GOLGA4: variants seen among roughly 807,000 people sequenced by gnomAD.
GOLGA4 encodes golgin A4.
Under a neutral mutation model 265.9 loss-of-function variants are expected in GOLGA4, and 169 were observed. The ratio of observed to expected loss-of-function variants is 0.64; its 90% CI spans 0.56 to 0.72. The LOEUF (loss-of-function observed/expected upper bound fraction) is 0.72, where lower values mean the gene tolerates loss of function less well. Ranked by LOEUF, GOLGA4 falls within the 30% of genes least tolerant of loss-of-function variation. The pLI is 0.00. For synonymous variants in GOLGA4, 923 were observed against 855.8 expected, an observed-to-expected ratio of 1.08 and a Z score of -1.37; for missense variants, 2,482 against 2,483.4, an observed-to-expected ratio of 1.00 and a Z score of 0.01.
In GOLGA4 at chr3:37,303,577, A is replaced by G. The variant is rs1272475344; in HGVS notation, c.1234+1245A>G. 2.6e-5 allele frequency among the ~76,000 whole-genome samples: 4 copies of G among 152,376 alleles called. No individual in the cohort carries two copies. The East Asian group carries it at 7.7e-4, about 29-fold the overall frequency. ...TAGATACACTGAATTTGACCCAGTCATGAGCTTTTCAAATGGAATTGAGTT... is the reference window on the plus strand; with the variant it reads ...TAGATACACTGAATTTGACCCAGTCGTGAGCTTTTCAAATGGAATTGAGTT... On this transcript the variant is annotated intron_variant, in intron 10 of 23. Transcript: ENST00000361924.
Position 37,315,528 on chromosome 3 carries a change from G to A in GOLGA4, c.1343G>A (p.Ser448Asn), listed in dbSNP as rs1055604212. The A allele has an allele frequency of 1.2e-6, 2 of 1,614,002 alleles. No homozygotes were observed. Among genetic ancestry groups the A allele is most frequent in the Admixed American group, 3.3e-5 (2 of 60,022 alleles). The change falls in exon 11 of 24, where the codon AGT becomes AAT. Residue 448 changes from serine to asparagine, a missense_variant. This residue lies in a region of GOLGA4 where 1,536 missense variants were observed against 1,483.7 expected (regional missense o/e 1.04). Coordinates refer to ENST00000361924, the MANE Select transcript of GOLGA4 (RefSeq NM_002078.5). ...DEQIKTIEKT[S>N]EEERISLQQE... Reference sequence around the variant, plus strand: ...CAAATAAAAACTATCGAAAAAACAAGTGAGGAGGAACGCATCAGTCTTCAA... The same window carrying A: ...CAAATAAAAACTATCGAAAAAACAAATGAGGAGGAACGCATCAGTCTTCAA...
At chr3:37,365,783 G>A (rs912831281) in intron 23 of GOLGA4, among the ~76,000 whole-genome samples, 2 of 148,148 alleles carry the variant, frequency 1.3e-5, no homozygotes, top group African/African-American at 5.0e-5. Flanking sequence ...AAGATTTAGT[G>A]TTTAGACAAT....
intron 10 of GOLGA4, among the ~76,000 whole-genome samples, chr3:37,303,034 T>C (rs961383203): frequency 7.2e-5 from 11 of 152,192 alleles, no homozygotes; most frequent in Admixed American, 2.0e-4. Context: ...AAGAGAGGTG[T>C]GGGCAGCACA....
At chr3:37,343,590 T>C (rs986592220) in intron 20 of GOLGA4, among the ~76,000 whole-genome samples, 3 of 152,206 alleles carry the variant, frequency 2.0e-5, no homozygotes, top group Non-Finnish European at 4.4e-5. Flanking sequence ...TACTTAAGTC[T>C]CTTTTGAACT....
intron 2 of GOLGA4, among the ~76,000 whole-genome samples, chr3:37,251,687 A>C (rs539772025): frequency 2.1e-3 from 291 of 140,384 alleles, no homozygotes; most frequent in Non-Finnish European, 2.9e-3. Context: ...GTCTGTATGT[A>C]TGTATGTATG....
intron 10 of GOLGA4, among the ~76,000 whole-genome samples, chr3:37,311,000 G>A (rs759525437): frequency 6.6e-6 from 1 of 152,068 alleles, no homozygotes; most frequent in South Asian, 2.1e-4. Context: ...TACTTTTTTA[G>A]TACTTACATT....
chr3:37,296,157 T>TG lies in GOLGA4; in HGVS notation c.754dup (p.Glu252GlyfsTer5), dbSNP rs760708775. 5 of 1,613,196 alleles carry TG rather than the reference T, an allele frequency of 3.1e-6. No homozygotes were observed. The highest frequency in any genetic ancestry group is 2.7e-5 in the African/African-American group (2 of 74,918). Reference sequence around the variant, plus strand: ...GATGTACTGAAACCACTTCCTCAGCTGGAACCACAGGCTGAAGTCTTCACT... The same window carrying TG: ...GATGTACTGAAACCACTTCCTCAGCTGGGAACCACAGGCTGAAGTCTTCACT... On this transcript the variant is annotated frameshift_variant, in exon 7 of 24. Transcript: ENST00000361924. LOFTEE classifies it high-confidence loss of function.
chr3:37,309,288 G>T (rs906162497), intron 10 of GOLGA4, among the ~76,000 whole-genome samples: 1 of 150,838 alleles, frequency 6.6e-6, no homozygotes, highest in African/African-American at 2.4e-5. Flanking sequence ...GGGCGTGATG[G>T]CTCATGCCTG....
rs766652748 is a variant in GOLGA4, at chr3:37,282,285, C to T, written c.477+13C>T. 2.8e-5 allele frequency: 44 copies of T among 1,599,346 alleles called. No individual in the cohort carries two copies. The highest frequency in any genetic ancestry group is 3.8e-5 in the Non-Finnish European group (44 of 1,169,996). ...AAAATATTCTGAGGTAGGAGCATGA[C>T]CTTTTTGCCTGTACAAAAATTTCTT... On this transcript the variant is annotated intron_variant, in intron 3 of 23. Coordinates refer to ENST00000361924, the MANE Select transcript of GOLGA4 (RefSeq NM_002078.5).
chr3:37,280,327 T>A (rs146812385), intron 2 of GOLGA4, among the ~76,000 whole-genome samples: 43 of 152,360 alleles, frequency 2.8e-4, no homozygotes, highest in African/African-American at 9.9e-4. Flanking sequence ...TATTGGTGGC[T>A]GAAATTGTGA....
chr3:37,281,647 A>G (rs935159533), intron 2 of GOLGA4, among the ~76,000 whole-genome samples: 1 of 152,144 alleles, frequency 6.6e-6, no homozygotes, highest in Non-Finnish European at 1.5e-5. Context: ...TACACCTGTG[A>G]GGTCGGCTGG....
chr3:37,294,351 G>C (rs957416533), intron 5 of GOLGA4, among the ~76,000 whole-genome samples: 7 of 151,404 alleles, frequency 4.6e-5, no homozygotes, highest in African/African-American at 7.3e-5. Context: ...CAAGTAGTAA[G>C]AGTCTCAAAG....
intron 12 of GOLGA4, chr3:37,320,126 T>C (rs1300831547): frequency 8.7e-6 from 1 of 114,758 alleles, no homozygotes; most frequent in East Asian, 3.3e-4. Context: ...TTAAAAAACT[T>C]CCTGAGCTAA....
chr3:37,357,132 T>A (rs188124540), intron 22 of GOLGA4, among the ~76,000 whole-genome samples: 1 of 152,168 alleles, frequency 6.6e-6, no homozygotes, highest in African/African-American at 2.4e-5. Context: ...ACAGACTGTT[T>A]TCTTCCTGAA....
chr3:37,258,558 C>T (rs1167901891), intron 2 of GOLGA4, among the ~76,000 whole-genome samples: 2 of 152,098 alleles, frequency 1.3e-5, no homozygotes, highest in Admixed American at 1.3e-4. Context: ...GAATGCCTGA[C>T]CTCAAGTGAT....
chr3:37,326,765 G>A lies in GOLGA4; in HGVS notation c.4879G>A (p.Asp1627Asn). 1 of 1,613,712 alleles carries A rather than the reference G, an allele frequency of 6.2e-7. No individual in the cohort carries two copies. The highest frequency in any genetic ancestry group is 8.5e-7 in the Non-Finnish European group (1 of 1,179,698). Residue 1627 changes from aspartate to asparagine, a missense_variant, in exon 14 of 24, where the codon GAT becomes AAT. Transcript: ENST00000361924. The part of the protein sequence containing the change: ...SKEEELKALE[D>N]RLESESAAKL... ...AGAGGAGGAGTTAAAGGCATTGGAA[G>A]ATAGGCTTGAGTCAGAAAGTGCTGC...
In GOLGA4 at chr3:37,321,894, TTAA is replaced by T; in HGVS notation, c.1701+14_1701+16del. ...GCAGAGACTTACAGAACTGTAAGTT[TTAA>T]TAATATTCAGATTCTGGAGTTGTGA... On this transcript the variant is annotated intron_variant, in intron 13 of 23. Transcript: ENST00000361924. 1 of 1,584,338 alleles carries T rather than the reference TTAA, an allele frequency of 6.3e-7. No homozygotes were observed. Among genetic ancestry groups the T allele is most frequent in the Non-Finnish European group, 8.6e-7 (1 of 1,168,550 alleles).
Position 37,326,154 on chromosome 3 carries a change from C to G in GOLGA4, c.4268C>G (p.Thr1423Ser), listed in dbSNP as rs1348266072. 1 of 1,613,306 alleles carries G rather than the reference C, an allele frequency of 6.2e-7. No homozygotes were observed. The highest frequency in any genetic ancestry group is 1.3e-5 in the African/African-American group (1 of 74,896). The change falls in exon 14 of 24, where the codon ACT (threonine) becomes AGT (serine). Residue 1423 changes from threonine (T) to serine (S), a missense_variant. Physicochemically the swap from Thr to Ser is moderately conservative, Grantham distance 58 (BLOSUM62 1). Around this residue, in one of 3 missense-constraint regions of GOLGA4, gnomAD observed 942 missense variants for 983.1 expected, o/e 0.96. Coordinates refer to ENST00000361924, the MANE Select transcript of GOLGA4 (RefSeq NM_002078.5). ...QVQDLSFKVDTLSKEKISALE... is the reference protein window; with the variant it reads ...QVQDLSFKVDSLSKEKISALE... Reference sequence around the variant, plus strand: ...CAAGATTTATCTTTTAAAGTTGACACTCTGAGTAAAGAGAAAATTTCTGCT... The same window carrying G: ...CAAGATTTATCTTTTAAAGTTGACAGTCTGAGTAAAGAGAAAATTTCTGCT...
At chr3:37,356,826 A>T (rs2097092183) in intron 22 of GOLGA4, among the ~76,000 whole-genome samples, 1 of 152,178 alleles carries the variant, frequency 6.6e-6, no homozygotes. Context: ...ATTCTTTCAT[A>T]GCTGCTTTAT....
Sources: gnomAD v4.1 joint callset for allele counts (sites outside exome capture counted in the v4.1 genomes callset) on GRCh38, gnomAD v4.1.1 for gene constraint, gnomAD v4.1.1 regional missense constraint, MANE v1.5 for transcripts, NCBI Gene and HGNC (gene_info 2026-07-23, HGNC 2026-07-21) for gene names.